Variants in GPRC6A observed in about 807,000 individuals in gnomAD.
The protein encoded by GPRC6A is G protein-coupled receptor family C group 6 member A.
Under a neutral mutation model 47.0 loss-of-function variants are expected in GPRC6A, and 54 were observed. That is an observed-to-expected ratio of 1.15 (90% CI 0.92 to 1.44). GPRC6A has a LOEUF of 1.44. GPRC6A is among the 40% of genes most tolerant of loss of function. The probability of loss-of-function intolerance (pLI) is 0.00; values close to 1 mark genes in which losing one functional copy is unlikely to be tolerated. For missense variants in GPRC6A, 1,112 were observed against 1,105.5 expected, an observed-to-expected ratio of 1.01 and a Z score of -0.08; for synonymous variants, 347 against 377.1, an observed-to-expected ratio of 0.92 and a Z score of 0.93.
rs1160655312 is a variant in GPRC6A at position 116,818,395 on chromosome 6, G to A, written c.195-8778C>T. On this transcript the variant is annotated intron_variant, in intron 1 of 5. Transcript: ENST00000310357. ...TAAAAATACAAAAAATTAGCCGGGC[G>A]TAGTGGCGGGCGCCTGTAGTCCCAG... Among the ~76,000 whole-genome samples, 19 of 147,076 alleles carry A rather than the reference G, an allele frequency of 1.3e-4. 1 individual carries two copies. Among genetic ancestry groups the A allele is most frequent in the African/African-American group, 2.7e-4 (11 of 40,316 alleles).
chr6:116,792,112 T>C lies in GPRC6A; in HGVS notation c.*30A>G. ...ATGCAAAGACCCTGGAAACATTTTATTCTGGAATGTGGCATCTCCTAAGGC... is the reference window on the plus strand; with the variant it reads ...ATGCAAAGACCCTGGAAACATTTTACTCTGGAATGTGGCATCTCCTAAGGC... On this transcript the variant is annotated 3_prime_UTR_variant, in exon 6 of 6. Coordinates refer to ENST00000310357, the MANE Select transcript of GPRC6A (RefSeq NM_148963.4). The C allele has an allele frequency of 6.4e-7, 1 of 1,555,468 alleles. No individual in the cohort carries two copies. The highest frequency in any genetic ancestry group is 8.7e-7 in the Non-Finnish European group (1 of 1,145,864).
At chr6:116,797,023 TC>T (rs1319409447) in intron 4 of GPRC6A, among the ~76,000 whole-genome samples, 1 of 152,044 alleles carries the variant, frequency 6.6e-6, no homozygotes, top group African/African-American at 2.4e-5. Flanking sequence ...CCCAGTGCTA[TC>T]CCTCCCGCCT....
chr6:116,819,988 A>G (rs1027961361), intron 1 of GPRC6A, among the ~76,000 whole-genome samples: 9 of 150,672 alleles, frequency 6.0e-5, no homozygotes, highest in Non-Finnish European at 1.3e-4. Flanking sequence ...AAAAAGAGAG[A>G]AGAATCAAAT....
intron 2 of GPRC6A, among the ~76,000 whole-genome samples, chr6:116,807,702 T>A (rs1772899350): frequency 6.6e-6 from 1 of 152,174 alleles, no homozygotes; most frequent in Admixed American, 6.6e-5. Context: ...TATTTTAAGC[T>A]TTTTGGTCAT....
chr6:116,792,747 C>T lies in GPRC6A; in HGVS notation c.2176G>A (p.Ala726Thr). 6.2e-7 allele frequency: 1 copy of T among 1,613,874 alleles called. No individual in the cohort carries two copies. Among genetic ancestry groups the T allele is most frequent in the Non-Finnish European group, 8.5e-7 (1 of 1,179,928 alleles). ...ACATTCACCTCTACAGTAGGTGCTG[C>T]AAAGATTAGCCAGAGTGTGCAAATG... Reference protein sequence around the residue: ...VVICTLWLIFAAPTVEVNVSL... With the variant: ...VVICTLWLIFTAPTVEVNVSL... The change falls in exon 6 of 6, where the codon GCA (alanine) becomes ACA (threonine). Residue 726 changes from alanine to threonine, a missense_variant. By Grantham distance (58) the Ala-to-Thr change is moderately conservative (BLOSUM62 0). Transcript: ENST00000310357.
Position 116,806,443 on chromosome 6 carries a change from G to A in GPRC6A, c.1262C>T (p.Ala421Val). ...CAGATCCCGAATGGCATAACCAAGG[G>A]CAAACACTGCAAGCTGAATACTATG... ...LIHSIQLAVF[A>V]LGYAIRDLCQ... Residue 421 changes from alanine to valine, a missense_variant, in exon 3 of 6, where the codon GCC becomes GTC. Coordinates refer to ENST00000310357, the MANE Select transcript of GPRC6A (RefSeq NM_148963.4). The A allele has an allele frequency of 6.2e-7, 1 of 1,613,390 alleles. No individual in the cohort carries two copies. Among genetic ancestry groups the A allele is most frequent in the South Asian group, 1.1e-5 (1 of 91,032 alleles).
At chr6:116,817,819 G>A (rs890534811) in intron 1 of GPRC6A, among the ~76,000 whole-genome samples, 9 of 152,128 alleles carry the variant, frequency 5.9e-5, no homozygotes, top group South Asian at 2.1e-4. Flanking sequence ...AGCGAGAAGG[G>A]AAGGTTAGAG....
chr6:116,811,310 C>T (rs1037221121), intron 1 of GPRC6A, among the ~76,000 whole-genome samples: 1 of 151,946 alleles, frequency 6.6e-6, no homozygotes, highest in African/African-American at 2.4e-5. Flanking sequence ...TCTCCCCCTA[C>T]AAAAACAAAT....
At chr6:116,795,361 G>T (rs963126355) in intron 5 of GPRC6A, among the ~76,000 whole-genome samples, 1 of 151,646 alleles carries the variant, frequency 6.6e-6, no homozygotes, top group Admixed American at 6.6e-5. Context: ...TATTTTTTTT[G>T]TACCTCAGTT....
intron 1 of GPRC6A, among the ~76,000 whole-genome samples, chr6:116,817,310 AC>A (rs1281853745): frequency 2.6e-5 from 4 of 152,068 alleles, no homozygotes; most frequent in African/African-American, 7.3e-5. Context: ...ATTCCAACAG[AC>A]CTGCAGCTGA....
At chr6:116,821,758 T>C (rs1007528243) in intron 1 of GPRC6A, among the ~76,000 whole-genome samples, 99 of 151,882 alleles carry the variant, frequency 6.5e-4, no homozygotes, top group Non-Finnish European at 1.4e-3. Context: ...ATAAAAACCC[T>C]AGAAGAAAAC....
intron 1 of GPRC6A, among the ~76,000 whole-genome samples, chr6:116,819,524 C>T (rs1210933975): frequency 6.6e-6 from 1 of 152,086 alleles, no homozygotes; most frequent in Non-Finnish European, 1.5e-5. Context: ...GACCACAGTG[C>T]AATCAAACTA....
intron 2 of GPRC6A, 23 bp from the exon 3 acceptor site, chr6:116,807,229 A>C: frequency 6.8e-7 from 1 of 1,472,938 alleles, no homozygotes. Flanking sequence ...AGAATATTTT[A>C]GTTATGGTGT....
In GPRC6A at chr6:116,792,567, A is replaced by G. The variant is rs755093562; in HGVS notation, c.2356T>C (p.Phe786Leu). Residue 786 changes from phenylalanine to leucine, a missense_variant, in exon 6 of 6, where the codon TTT (phenylalanine) becomes CTT (leucine). Coordinates refer to ENST00000310357, the MANE Select transcript of GPRC6A (RefSeq NM_148963.4). ...GCTATGAAGTAAATGAGCATGCCAA[A>G]TGTAATGAATTTGGCTTCATTGTAA... is the stretch of plus-strand genomic sequence containing the variant. ...ENYNEAKFIT[F>L]GMLIYFIAWI... 6.2e-7 allele frequency: 1 copy of G among 1,611,966 alleles called. No individual in the cohort carries two copies. The highest frequency in any genetic ancestry group is 1.1e-5 in the South Asian group (1 of 90,916).
chr6:116,802,298 A>T (rs1772699191), intron 3 of GPRC6A, among the ~76,000 whole-genome samples: 1 of 152,132 alleles, frequency 6.6e-6, no homozygotes, highest in African/African-American at 2.4e-5. Flanking sequence ...TTAATCTTAA[A>T]CATTACCACT....
In GPRC6A at chr6:116,792,127, T is replaced by A; in HGVS notation, c.*15A>T. The A allele has an allele frequency of 6.3e-7, 1 of 1,579,214 alleles. No homozygotes were observed. Among genetic ancestry groups the A allele is most frequent in the Non-Finnish European group, 8.6e-7 (1 of 1,161,188 alleles). On this transcript the variant is annotated 3_prime_UTR_variant, in exon 6 of 6. Transcript: ENST00000310357. The stretch of plus-strand genomic sequence containing the variant: ...AAACATTTTATTCTGGAATGTGGCA[T>A]CTCCTAAGGCTTATTCATATACTTG...
chr6:116,826,515 C>T (rs1773680085), intron 1 of GPRC6A, among the ~76,000 whole-genome samples: 1 of 151,440 alleles, frequency 6.6e-6, no homozygotes, highest in Non-Finnish European at 1.5e-5. Context: ...ATAGCTATTA[C>T]TAAAAAGACA....
intron 1 of GPRC6A, among the ~76,000 whole-genome samples, chr6:116,820,733 C>G (rs1773437819): frequency 6.6e-6 from 1 of 151,644 alleles, no homozygotes; most frequent in Non-Finnish European, 1.5e-5. Context: ...CTATCTATGA[C>G]AAACCCACAG....
At chr6:116,805,494 T>C (rs1229759696) in intron 3 of GPRC6A, among the ~76,000 whole-genome samples, 1 of 152,072 alleles carries the variant, frequency 6.6e-6, no homozygotes, top group Admixed American at 6.6e-5. Flanking sequence ...AACATGATTC[T>C]GCCTCAGGAC....
Sources: allele counts gnomAD v4.1 joint callset (sites outside exome capture counted in the v4.1 genomes callset), GRCh38; gene constraint gnomAD v4.1.1; transcripts MANE v1.5; gene names NCBI Gene and HGNC (gene_info 2026-07-23, HGNC 2026-07-21).